Variants in RASGRP2 observed in about 807,000 individuals in gnomAD.
RASGRP2 encodes RAS guanyl-releasing protein 2.
Under a neutral mutation model 71.0 loss-of-function variants are expected in RASGRP2, and 44 were observed. The ratio of observed to expected loss-of-function variants is 0.62; its 90% CI spans 0.49 to 0.80. RASGRP2 has a LOEUF of 0.80. Among genes scored for constraint, RASGRP2 ranks in the 30% least tolerant of loss-of-function variants. RASGRP2 has a pLI of 0.00. For missense variants in RASGRP2, 663 were observed against 813.4 expected (o/e 0.82, Z 2.25); for synonymous variants, 350 against 330.7 (o/e 1.06, Z -0.63).
At chr11:64,734,962 C>G (rs1399393155) in intron 12 of RASGRP2, 150 bp downstream of exon 12, 1 of 689,194 alleles carries the variant, frequency 1.5e-6, no homozygotes, top group Non-Finnish European at 2.6e-6. Flanking sequence ...CTCTCCTCCC[C>G]ACAAAAGCAA....
At chr11:64,744,380 G>T (rs2058239847), upstream of RASGRP2, 2 of 950,060 alleles carry the variant, frequency 2.1e-6, no homozygotes, top group African/African-American at 3.5e-5. Context: ...GTTCTCAGGC[G>T]GACTTTTCCT....
In RASGRP2 at chr11:64,743,689, C is replaced by G; in HGVS notation, c.-72+314G>C. 2.6e-6 allele frequency: 1 copy of G among 383,076 alleles called. No individual in the cohort carries two copies. The highest frequency in any genetic ancestry group is 3.5e-5 in the Admixed American group (1 of 28,742). 23.7% of individuals were successfully genotyped at this position (383,076 alleles called of 1,614,324 possible). On this transcript the variant is annotated intron_variant, in intron 1 of 16. Coordinates refer to ENST00000394432, the MANE Select transcript of RASGRP2 (RefSeq NM_001098671.2). This position sits in a 1 kb window ranked among gnomAD's most constrained non-coding sequence, Gnocchi z 4.9. ...TATCCCCGGCTCCTGACCCTGGCCCCGGCCCCGCACAGGCGAACTGTGAGC... is the reference window on the plus strand; with the variant it reads ...TATCCCCGGCTCCTGACCCTGGCCCGGGCCCCGCACAGGCGAACTGTGAGC...
Position 64,742,839 on chromosome 11 carries a change from C to T in RASGRP2, c.28G>A (p.Gly10Ser). 2 of 1,606,460 alleles carry T rather than the reference C, an allele frequency of 1.2e-6. No homozygotes were observed. Among genetic ancestry groups the T allele is most frequent in the Non-Finnish European group, 1.7e-6 (2 of 1,177,918 alleles). MAGTLDLDK[G>S]CTVEELLRGC... ...CGGAGCAGCTCCTCCACCGTGCAGCCCTTGTCCAGGTCCAGGGTGCCTGCC... is the reference window on the plus strand; with the variant it reads ...CGGAGCAGCTCCTCCACCGTGCAGCTCTTGTCCAGGTCCAGGGTGCCTGCC... The change falls in exon 2 of 17, where the codon GGC becomes AGC. Residue 10 changes from glycine (G) to serine (S), a missense_variant. Transcript: ENST00000394432. This position sits in a 1 kb window ranked among gnomAD's most constrained non-coding sequence, Gnocchi z 4.7.
intron 15 of RASGRP2, among the ~76,000 whole-genome samples, chr11:64,728,505 G>A (rs1203535643): frequency 6.6e-6 from 1 of 151,438 alleles, no homozygotes; most frequent in Non-Finnish European, 1.5e-5. Context: ...TCGGCTCACT[G>A]CAAGCCCCGC....
chr11:64,731,549 A>C (rs1723057977), intron 12 of RASGRP2, among the ~76,000 whole-genome samples: 1 of 152,180 alleles, frequency 6.6e-6, no homozygotes. Flanking sequence ...TTGCAAACAC[A>C]TTCAACAGCA....
chr11:64,739,778 C>G lies in RASGRP2; in HGVS notation c.554G>C (p.Gly185Ala). ...FQDYHSFVTH[G>A]CTVDNPVLER... ...CAGGACGGGGTTGTCCACAGTGCAG[C>G]CATGAGTCACGAAACTGTGATAGTC... The change falls in exon 7 of 17, where the codon GGC (glycine) becomes GCC (alanine). Residue 185 changes from glycine (G) to alanine (A), a missense_variant. Gly to Ala is a moderately conservative substitution (Grantham distance 60). Transcript: ENST00000394432. This position sits in a 1 kb window ranked among gnomAD's most constrained non-coding sequence, Gnocchi z 4.2. 6.2e-7 allele frequency: 1 copy of G among 1,613,904 alleles called. No individual in the cohort carries two copies. Among genetic ancestry groups the G allele is most frequent in the East Asian group, 2.2e-5 (1 of 44,872 alleles).
At chr11:64,730,221 G>C (rs1224893650) in intron 12 of RASGRP2, 27 bp from the exon 13 acceptor site, 1 of 1,551,398 alleles carries the variant, frequency 6.4e-7, no homozygotes. Flanking sequence ...GGGCGCTTCA[G>C]CTCGGGCCCT....
At position 64,737,231 on chromosome 11, in the gene RASGRP2, C is replaced by A. The variant is rs986175796; in HGVS notation, c.814-197G>T. The A allele has an allele frequency of 1.1e-5, 7 of 636,232 alleles. No individual in the cohort carries two copies. The Admixed American group carries it at 1.3e-4, about 12-fold the overall frequency. The allele number at this position is 636,232 out of a possible 1,614,324, so 39.4% of individuals were successfully genotyped here. On this transcript the variant is annotated intron_variant, in intron 8 of 16. Transcript: ENST00000394432. ...TGCCATGAATTCAAGGCAATACTCA[C>A]TGCCAAAAGCACCACACCTCTAAAC...
Position 64,742,377 on chromosome 11 carries a change from C to A in RASGRP2, c.74-265G>T. ...GGGGAACCAGCTGGGGCGGAAGGAG[C>A]CTGGGTTCCCCGGGGTCAAGAATCC... On this transcript the variant is annotated intron_variant, in intron 2 of 16. Coordinates refer to ENST00000394432, the MANE Select transcript of RASGRP2 (RefSeq NM_001098671.2). The surrounding 1 kb of genome is among the most constrained non-coding windows in gnomAD (Gnocchi z 4.7). The A allele has an allele frequency of 1.7e-6, 1 of 586,406 alleles. No homozygotes were observed. The highest frequency in any genetic ancestry group is 3.1e-6 in the Non-Finnish European group (1 of 327,730). The allele number at this position is 586,406 out of a possible 1,614,324, so 36.3% of individuals were successfully genotyped here. A position where few individuals can be genotyped will look rare whatever the true frequency, so the allele number is the denominator to read the frequency against.
chr11:64,741,232 C>T (rs1278579702), intron 4 of RASGRP2, among the ~76,000 whole-genome samples, 153 bp from the exon 5 acceptor site: 1 of 152,226 alleles, frequency 6.6e-6, no homozygotes, highest in African/African-American at 2.4e-5. Flanking sequence ...TACATTAGAC[C>T]CTTGAGACAA....
intron 12 of RASGRP2, among the ~76,000 whole-genome samples, chr11:64,730,640 G>A (rs2057736003): frequency 6.6e-6 from 1 of 152,232 alleles, no homozygotes; most frequent in South Asian, 2.1e-4. Flanking sequence ...AAAGACAGCT[G>A]TAAATCCAGG....
chr11:64,742,798 G>C lies in RASGRP2; in HGVS notation c.69C>G (p.Ala23=). ...GTGCCCTCCCGAGCCACTCACCGAA[G>C]GCTTCGATGCACCCGCGGAGCAGCT... is the stretch of plus-strand genomic sequence containing the variant. ...VEELLRGCIE[A]FDDSGKVRDP... The change falls in exon 2 of 17, where the codon GCC becomes GCG. Residue 23 remains alanine, a synonymous_variant. Transcript: ENST00000394432. The surrounding 1 kb of genome is among the most constrained non-coding windows in gnomAD (Gnocchi z 4.7). 3 of 1,608,374 alleles carry C rather than the reference G, an allele frequency of 1.9e-6. No homozygotes were observed. Among genetic ancestry groups the C allele is most frequent in the Non-Finnish European group, 2.5e-6 (3 of 1,178,124 alleles).
In RASGRP2 at chr11:64,743,924, T is replaced by A. The variant is rs993646793; in HGVS notation, c.-72+79A>T. The A allele has an allele frequency of 5.1e-6, 5 of 974,350 alleles. No homozygotes were observed. The highest frequency in any genetic ancestry group is 6.2e-6 in the Non-Finnish European group (5 of 810,704). The allele number at this position is 974,350 out of a possible 1,614,324, so 60.4% of individuals were successfully genotyped here. A position where few individuals can be genotyped will look rare whatever the true frequency, so the allele number is the denominator to read the frequency against. On this transcript the variant is annotated intron_variant, in intron 1 of 16. Coordinates refer to ENST00000394432, the MANE Select transcript of RASGRP2 (RefSeq NM_001098671.2). The surrounding 1 kb of genome is among the most constrained non-coding windows in gnomAD (Gnocchi z 4.9). ...ACGCACCGGGCCACAGGCACCGGCC[T>A]CCCATCCTCCGTCTCTCACACACAA...
intron 3 of RASGRP2, 58 bp from the exon 4 acceptor site, chr11:64,741,559 G>C: frequency 1.4e-6 from 2 of 1,436,604 alleles, no homozygotes; most frequent in Non-Finnish European, 1.9e-6. Flanking sequence ...TGCGTGGAGG[G>C]AGGCTGGGGG....
At chr11:64,727,453 C>T (rs1345381914) in intron 15 of RASGRP2, 93 bp from the exon 16 acceptor site, 4 of 1,137,148 alleles carry the variant, frequency 3.5e-6, no homozygotes, top group Non-Finnish European at 5.3e-6. Context: ...CACATCATCC[C>T]AGAAGCAGAC....
chr11:64,729,647 G>T, intron 14 of RASGRP2, 115 bp downstream of exon 14: 1 of 1,338,890 alleles, frequency 7.5e-7, no homozygotes, highest in Non-Finnish European at 1.1e-6. Flanking sequence ...ATGCGCCTCT[G>T]ATTTTAAGGT....
rs779803983 is a variant in RASGRP2, at chr11:64,729,038, A to C, written c.1596T>G (p.Cys532Trp). Reference protein sequence around the residue: ...IYKQGLKCRACGVNCHKQCKD... With the variant: ...IYKQGLKCRAWGVNCHKQCKD... ...TGCACTGCTTGTGGCAGTTCACTCCACAGGCTGGGGGAGAGCAAATGGAGA... is the reference window on the plus strand; with the variant it reads ...TGCACTGCTTGTGGCAGTTCACTCCCCAGGCTGGGGGAGAGCAAATGGAGA... Residue 532 changes from cysteine (C) to tryptophan (W), a missense_variant, in exon 15 of 17, where the codon TGT (cysteine) becomes TGG (tryptophan). Coordinates refer to ENST00000394432, the MANE Select transcript of RASGRP2 (RefSeq NM_001098671.2). 11 of 1,595,248 alleles carry C rather than the reference A, an allele frequency of 6.9e-6. No individual in the cohort carries two copies. The highest frequency in any genetic ancestry group is 1.7e-5 in the Admixed American group (1 of 58,436).
intron 15 of RASGRP2, among the ~76,000 whole-genome samples, chr11:64,728,341 T>C (rs1379403187): frequency 6.6e-6 from 1 of 152,218 alleles, no homozygotes; most frequent in Non-Finnish European, 1.5e-5. Context: ...TATACCTCTT[T>C]ATAAATTAGG....
Position 64,735,455 on chromosome 11 carries a change from G to C in RASGRP2, c.1296+87C>G. ...TCCTAGGGGCTGAGTGCTGGGTCTTGAACAGGACACTCGTGCTGGCTTCCA... is the reference window on the plus strand; with the variant it reads ...TCCTAGGGGCTGAGTGCTGGGTCTTCAACAGGACACTCGTGCTGGCTTCCA... On this transcript the variant is annotated intron_variant, in intron 11 of 16. Coordinates refer to ENST00000394432, the MANE Select transcript of RASGRP2 (RefSeq NM_001098671.2). The surrounding 1 kb of genome is among the most constrained non-coding windows in gnomAD (Gnocchi z 4.2). The C allele has an allele frequency of 1.9e-6, 3 of 1,603,454 alleles. No homozygotes were observed. The highest frequency in any genetic ancestry group is 2.6e-6 in the Non-Finnish European group (3 of 1,176,406).
Sources: gnomAD v4.1 joint callset for allele counts (sites outside exome capture counted in the v4.1 genomes callset) on GRCh38, gnomAD v4.1.1 for gene constraint, Gnocchi (gnomAD v3.1) non-coding constraint, MANE v1.5 for transcripts, NCBI Gene and HGNC (gene_info 2026-07-23, HGNC 2026-07-21) for gene names.